Variants in TMEM178B observed in about 807,000 individuals in gnomAD.
TMEM178B encodes transmembrane protein 178B.
Under a neutral mutation model 31.0 loss-of-function variants are expected in TMEM178B, and 5 were observed. The observed-to-expected ratio is 0.16, with a 90% CI of 0.08 to 0.34. The LOEUF (loss-of-function observed/expected upper bound fraction) is 0.34, where lower values mean the gene tolerates loss of function less well. Among genes scored for constraint, TMEM178B ranks in the 10% least tolerant of loss-of-function variants. TMEM178B has a pLI of 1.00. For synonymous variants in TMEM178B, 164 were observed against 164.0 expected (o/e 1.00, Z 0.00); for missense variants, 275 against 400.3 (o/e 0.69, Z 2.67).
rs532499584 is a variant in TMEM178B, at chr7:141,265,973, G to A, written c.496+53269G>A. Reference sequence around the variant, plus strand: ...CCCTCATTCATCAGCCTTGGATGTGGTGCCTGACTGAGGGATCAGAGTCCC... The same window carrying A: ...CCCTCATTCATCAGCCTTGGATGTGATGCCTGACTGAGGGATCAGAGTCCC... On this transcript the variant is annotated intron_variant, in intron 2 of 3. Transcript: ENST00000565468. Among the ~76,000 whole-genome samples, 5 of 152,272 alleles carry A rather than the reference G, an allele frequency of 3.3e-5. No individual in the cohort carries two copies. In the South Asian group the frequency reaches 1.0e-3, roughly 32 times the overall value.
chr7:141,286,042 G>A (rs1206904165), intron 2 of TMEM178B, among the ~76,000 whole-genome samples: 2 of 151,974 alleles, frequency 1.3e-5, no homozygotes, highest in African/African-American at 4.8e-5. Flanking sequence ...GTATACCTAT[G>A]TAACAAACCT....
At chr7:141,188,687 A>T (rs1441168366) in intron 1 of TMEM178B, among the ~76,000 whole-genome samples, 1 of 152,238 alleles carries the variant, frequency 6.6e-6, no homozygotes, top group African/African-American at 2.4e-5. Flanking sequence ...GATAAGCTGC[A>T]AACAACATCC....
Position 141,344,581 on chromosome 7 carries a change from T to C in TMEM178B, c.497-93027T>C, listed in dbSNP as rs1327040154. On this transcript the variant is annotated intron_variant, in intron 2 of 3. Coordinates refer to ENST00000565468, the MANE Select transcript of TMEM178B (RefSeq NM_001195278.2). This position sits in a 1 kb window ranked among gnomAD's most constrained non-coding sequence, Gnocchi z 4.1. ...CCTCCATTCCTCCCTCCTCCCTTCC[T>C]TCCTTCCTTCCTTCCTTCCTTCCTT... Among the ~76,000 whole-genome samples the C allele has an allele frequency of 1.1e-4, 9 of 83,506 alleles. No homozygotes were observed. The highest frequency in any genetic ancestry group is 7.8e-4 in the South Asian group (2 of 2,550). The allele number at this position is 83,506 out of a possible 152,430, so 54.8% of individuals were successfully genotyped here.
At chr7:141,262,288 C>T (rs568125405) in intron 2 of TMEM178B, among the ~76,000 whole-genome samples, 1 of 152,154 alleles carries the variant, frequency 6.6e-6, no homozygotes, top group African/African-American at 2.4e-5. Context: ...GGGTTTGGTG[C>T]TCTCTTTCTC....
intron 3 of TMEM178B, among the ~76,000 whole-genome samples, chr7:141,442,553 G>C (rs1022263263): frequency 1.3e-5 from 2 of 152,026 alleles, no homozygotes; most frequent in African/African-American, 4.8e-5. Context: ...CCCTAAAGTC[G>C]GGTCACTCCT....
At chr7:141,185,650 G>C (rs968029189) in intron 1 of TMEM178B, among the ~76,000 whole-genome samples, 2 of 152,106 alleles carry the variant, frequency 1.3e-5, no homozygotes, top group African/African-American at 4.8e-5. Flanking sequence ...CTTCTGGCTA[G>C]GGTCTCTGGG....
At chr7:141,370,837 T>C (rs145583828) in intron 2 of TMEM178B, among the ~76,000 whole-genome samples, 179 of 152,352 alleles carry the variant, frequency 1.2e-3, no homozygotes, top group Non-Finnish European at 2.0e-3. Flanking sequence ...GGCAAGGACA[T>C]CTGCTGTTTG....
At chr7:141,282,239 T>C (rs1166701833) in intron 2 of TMEM178B, among the ~76,000 whole-genome samples, 2 of 152,124 alleles carry the variant, frequency 1.3e-5, no homozygotes, top group Admixed American at 1.3e-4. Context: ...GAAATATTCA[T>C]AAGGCCTGAA....
intron 1 of TMEM178B, among the ~76,000 whole-genome samples, chr7:141,146,270 C>T (rs1311373940): frequency 6.6e-6 from 1 of 152,114 alleles, no homozygotes; most frequent in Non-Finnish European, 1.5e-5. Flanking sequence ...GTGTCCATCC[C>T]CAGAGGGCCT....
At chr7:141,384,480 C>T (rs556182196) in intron 2 of TMEM178B, among the ~76,000 whole-genome samples, 1 of 152,306 alleles carries the variant, frequency 6.6e-6, no homozygotes, top group South Asian at 2.1e-4. Context: ...GGAATCCTTT[C>T]CCCATTTCTT....
At chr7:141,302,698 G>A (rs1418733913) in intron 2 of TMEM178B, among the ~76,000 whole-genome samples, 1 of 152,136 alleles carries the variant, frequency 6.6e-6, no homozygotes, top group African/African-American at 2.4e-5. Flanking sequence ...AGTCTTGGCA[G>A]GCTGCAAGGT....
chr7:141,453,083 C>T (rs1333720989), intron 3 of TMEM178B, among the ~76,000 whole-genome samples: 2 of 152,336 alleles, frequency 1.3e-5, no homozygotes, highest in Non-Finnish European at 1.5e-5. Flanking sequence ...CTTCTAGAAA[C>T]CTTTTTGAAT....
At chr7:141,238,567 GAGA>G (rs1463588509) in intron 2 of TMEM178B, among the ~76,000 whole-genome samples, 2 of 152,194 alleles carry the variant, frequency 1.3e-5, no homozygotes, top group African/African-American at 4.8e-5. Context: ...TAATGCTTCA[GAGA>G]AGAAGAGAAA....
intron 2 of TMEM178B, among the ~76,000 whole-genome samples, chr7:141,299,722 A>G (rs965455208): frequency 5.3e-5 from 8 of 152,098 alleles, no homozygotes; most frequent in Non-Finnish European, 1.2e-4. Flanking sequence ...CTAGCCACAT[A>G]CTTATAGGCC....
At chr7:141,439,263 A>C (rs957332363) in intron 3 of TMEM178B, among the ~76,000 whole-genome samples, 1 of 152,214 alleles carries the variant, frequency 6.6e-6, no homozygotes, top group Admixed American at 6.5e-5. Flanking sequence ...TCAGGGCTAA[A>C]AAAACCGTCT....
intron 2 of TMEM178B, among the ~76,000 whole-genome samples, chr7:141,421,588 T>C (rs1375587138): frequency 6.6e-6 from 1 of 152,166 alleles, no homozygotes; most frequent in Non-Finnish European, 1.5e-5. Flanking sequence ...GCTGCCTGCT[T>C]GGGGCAAGTT....
At position 141,475,168 on chromosome 7, in the gene TMEM178B, G is replaced by A. The variant is rs1487902277; in HGVS notation, c.*4382G>A. 6.6e-6 allele frequency: 1 copy of A among 152,208 alleles called. No individual in the cohort carries two copies. Among genetic ancestry groups the A allele is most frequent in the Admixed American group, 6.5e-5 (1 of 15,284 alleles). The allele number at this position is 152,208 out of a possible 1,614,324, so 9.4% of individuals were successfully genotyped here. A position where few individuals can be genotyped will look rare whatever the true frequency, so the allele number is the denominator to read the frequency against. On this transcript the variant is annotated 3_prime_UTR_variant, in exon 4 of 4. Coordinates refer to ENST00000565468, the MANE Select transcript of TMEM178B (RefSeq NM_001195278.2). ...TTCAGTGCAGATAGGAAGAGCTGGT[G>A]CACACCAGCAGGGTTGCCTTCCATG...
intron 1 of TMEM178B, among the ~76,000 whole-genome samples, chr7:141,168,939 G>C (rs1199938214): frequency 6.6e-6 from 1 of 152,136 alleles, no homozygotes; most frequent in East Asian, 1.9e-4. Context: ...GAGCAATTGG[G>C]ATACCCATTA....
At chr7:141,309,503 A>C (rs558108576) in intron 2 of TMEM178B, among the ~76,000 whole-genome samples, 14 of 152,280 alleles carry the variant, frequency 9.2e-5, no homozygotes, top group African/African-American at 3.4e-4. Context: ...ATTTTGGTGA[A>C]TATTCTTCTG....
Sources: gnomAD v4.1 joint callset for allele counts (sites outside exome capture counted in the v4.1 genomes callset) on GRCh38, gnomAD v4.1.1 for gene constraint, Gnocchi (gnomAD v3.1) non-coding constraint, MANE v1.5 for transcripts, NCBI Gene and HGNC (gene_info 2026-07-23, HGNC 2026-07-21) for gene names.